Variants in DLG1 observed in about 807,000 individuals in gnomAD.
The protein encoded by DLG1 is disks large homolog 1.
DLG1 carries 42 observed loss-of-function variants against 123.4 expected under a neutral mutation model. The ratio of observed to expected loss-of-function variants is 0.34; its 90% CI spans 0.27 to 0.44. The LOEUF (loss-of-function observed/expected upper bound fraction) is 0.44, where lower values mean the gene tolerates loss of function less well. Among genes scored for constraint, DLG1 ranks in the 20% least tolerant of loss-of-function variants. DLG1 has a pLI of 1.00. For missense variants in DLG1, 942 were observed against 1,082.6 expected (o/e 0.87, Z 1.82); for synonymous variants, 317 against 356.2 (o/e 0.89, Z 1.24).
intron 22 of DLG1, among the ~76,000 whole-genome samples, chr3:197,061,230 A>G (rs1275117422): frequency 6.6e-6 from 1 of 152,264 alleles, no homozygotes; most frequent in African/African-American, 2.4e-5. Context: ...AAAAGTAAAT[A>G]ATAGACACCA....
At chr3:197,269,767 A>G (rs1763159338) in intron 4 of DLG1, among the ~76,000 whole-genome samples, 1 of 152,238 alleles carries the variant, frequency 6.6e-6, no homozygotes, top group African/African-American at 2.4e-5. Flanking sequence ...CTCCTCTAAC[A>G]TCCCAAATTA....
intron 24 of DLG1, 71 bp downstream of exon 24, chr3:197,051,506 G>T: frequency 1.7e-6 from 2 of 1,191,868 alleles, no homozygotes; most frequent in Non-Finnish European, 2.5e-6. Flanking sequence ...AAATCCACCT[G>T]AACGGGTCGG....
intron 16 of DLG1, 175 bp downstream of exon 16, chr3:197,085,405 A>G: frequency 1.6e-6 from 1 of 631,184 alleles, no homozygotes; most frequent in Non-Finnish European, 2.7e-6. Flanking sequence ...GACTTCGACT[A>G]CTTTAGATTT....
At chr3:197,238,329 T>G (rs1451892276) in intron 4 of DLG1, among the ~76,000 whole-genome samples, 3 of 152,108 alleles carry the variant, frequency 2.0e-5, no homozygotes, top group African/African-American at 7.2e-5. Flanking sequence ...ACCACAGATG[T>G]TAGACTTACC....
At chr3:197,182,812 T>C (rs563582943) in intron 5 of DLG1, among the ~76,000 whole-genome samples, 10 of 152,216 alleles carry the variant, frequency 6.6e-5, no homozygotes, top group Admixed American at 3.3e-4. Flanking sequence ...AAACAATAGG[T>C]ATTTCAAACA....
At chr3:197,161,776 C>A in intron 5 of DLG1, 2 of 1,318,562 alleles carry the variant, frequency 1.5e-6, no homozygotes, top group Non-Finnish European at 1.1e-6. Context: ...GGAAAAACAC[C>A]AAAATAAAAG....
At chr3:197,166,801 G>C (rs1260294777) in intron 5 of DLG1, among the ~76,000 whole-genome samples, 6 of 152,040 alleles carry the variant, frequency 3.9e-5, no homozygotes, top group African/African-American at 1.4e-4. Context: ...TGAGCCAAGA[G>C]AATCGCTTTG....
intron 24 of DLG1, among the ~76,000 whole-genome samples, chr3:197,050,425 T>C (rs1726726505): frequency 1.3e-5 from 2 of 150,916 alleles, no homozygotes; most frequent in Non-Finnish European, 3.0e-5. Context: ...CAACAACAAA[T>C]ATATATATAT....
intron 23 of DLG1, among the ~76,000 whole-genome samples, chr3:197,052,126 C>T (rs1728237832): frequency 6.6e-6 from 1 of 152,002 alleles, no homozygotes; most frequent in South Asian, 2.1e-4. Flanking sequence ...CAGATGTGAG[C>T]CACCGAGCCC....
intron 4 of DLG1, among the ~76,000 whole-genome samples, chr3:197,227,782 A>G (rs1316336242): frequency 6.6e-6 from 1 of 152,222 alleles, no homozygotes; most frequent in African/African-American, 2.4e-5. Flanking sequence ...AGAGAGAGAA[A>G]AAACTAGGTT....
intron 13 of DLG1, among the ~76,000 whole-genome samples, chr3:197,109,142 C>T (rs1440911189): frequency 6.6e-6 from 1 of 152,268 alleles, no homozygotes; most frequent in East Asian, 1.9e-4. Context: ...GAAGCAGGAG[C>T]ATCACTTGAG....
chr3:197,287,516 A>G (rs1772458991), intron 3 of DLG1, among the ~76,000 whole-genome samples: 1 of 152,152 alleles, frequency 6.6e-6, no homozygotes, highest in Non-Finnish European at 1.5e-5. Context: ...CCATATATAT[A>G]TATGTTTTCT....
chr3:197,231,487 G>A (rs1743012817), intron 4 of DLG1, among the ~76,000 whole-genome samples: 1 of 152,084 alleles, frequency 6.6e-6, no homozygotes, highest in Non-Finnish European at 1.5e-5. Context: ...GGTCGCTTAA[G>A]CTCAGGAATT....
chr3:197,187,788 G>C (rs1471141984), intron 5 of DLG1, among the ~76,000 whole-genome samples: 12 of 152,018 alleles, frequency 7.9e-5, no homozygotes. Context: ...TTAGAACCTT[G>C]ACACTACTCT....
intron 5 of DLG1, among the ~76,000 whole-genome samples, chr3:197,187,860 T>C (rs979116297): frequency 2.6e-5 from 4 of 152,196 alleles, no homozygotes; most frequent in African/African-American, 9.6e-5. Flanking sequence ...TTTAAAAAAC[T>C]ATTATATCCC....
chr3:197,090,088 A>C (rs1337083461), intron 15 of DLG1, among the ~76,000 whole-genome samples: 3 of 152,202 alleles, frequency 2.0e-5, no homozygotes, highest in South Asian at 2.1e-4. Context: ...TATGTAACAT[A>C]TCTCTCTCAT....
chr3:197,082,123 G>A (rs1489876765), intron 16 of DLG1, among the ~76,000 whole-genome samples: 6 of 152,302 alleles, frequency 3.9e-5, no homozygotes, highest in African/African-American at 1.4e-4. Flanking sequence ...TGTAATCCCA[G>A]CACTTTGGGA....
chr3:197,181,926 A>G (rs1361211576), intron 5 of DLG1, among the ~76,000 whole-genome samples: 3 of 152,218 alleles, frequency 2.0e-5, no homozygotes, highest in Non-Finnish European at 4.4e-5. Flanking sequence ...AACAGGGGTC[A>G]TGACTCTCTT....
In DLG1 at chr3:197,262,868, A is replaced by C. The variant is rs540450181; in HGVS notation, c.318+19811T>G. Among the ~76,000 whole-genome samples, 475 of 152,304 alleles carry C rather than the reference A, an allele frequency of 3.1e-3. 2 individuals are homozygous for C. The highest frequency in any genetic ancestry group is 5.1e-3 in the Non-Finnish European group (344 of 68,024). ...TTTTTCTCCTCTCAGACCTAAATAC[A>C]TATGTATGTAGCTATGTAAATGTCA... is the stretch of plus-strand genomic sequence containing the variant. On this transcript the variant is annotated intron_variant, in intron 4 of 24. Coordinates refer to ENST00000667157, the MANE Select transcript of DLG1 (RefSeq NM_001366207.1).
Sources: gnomAD v4.1 joint callset for allele counts (sites outside exome capture counted in the v4.1 genomes callset) on GRCh38, gnomAD v4.1.1 for gene constraint, MANE v1.5 for transcripts, NCBI Gene and HGNC (gene_info 2026-07-23, HGNC 2026-07-21) for gene names.